The following KANSL2 variants were observed in gnomAD, a reference collection of about 807,000 sequenced individuals.
KANSL2 encodes NSL complex protein NSL2.
KANSL2 carries 34 observed loss-of-function variants against 55.6 expected under a neutral mutation model. The observed-to-expected ratio is 0.61, with a 90% CI of 0.46 to 0.81. The LOEUF (loss-of-function observed/expected upper bound fraction) is 0.81. Ranked by LOEUF, KANSL2 falls within the 40% of genes least tolerant of loss-of-function variation. The probability of loss-of-function intolerance (pLI) is 0.00; values close to 1 mark genes in which losing one functional copy is unlikely to be tolerated. For synonymous variants in KANSL2, 209 were observed against 214.3 expected (o/e 0.98, Z 0.22); for missense variants, 502 against 609.9 (o/e 0.82, Z 1.86).
At chr12:48,661,113 A>C in intron 7 of KANSL2, 1 of 357,714 alleles carries the variant, frequency 2.8e-6, no homozygotes, top group Non-Finnish European at 3.9e-6. Context: ...ATTCATTTAA[A>C]GCACCACTGG....
At chr12:48,673,756 T>A (rs1459792056) in intron 4 of KANSL2, among the ~76,000 whole-genome samples, 2 of 151,918 alleles carry the variant, frequency 1.3e-5, no homozygotes, top group Non-Finnish European at 2.9e-5. Context: ...AAGACCAGCC[T>A]GGGCTGTAAC....
intron 2 of KANSL2, among the ~76,000 whole-genome samples, chr12:48,680,602 G>A (rs543840349): frequency 5.9e-5 from 9 of 152,248 alleles, no homozygotes; most frequent in African/African-American, 2.2e-4. Flanking sequence ...TCTTACAGAA[G>A]AATACACACA....
rs551501852 is a variant in KANSL2, at chr12:48,672,374, T to C, written c.546-412A>G. 5.5e-3 allele frequency among the ~76,000 whole-genome samples: 807 copies of C among 145,814 alleles called. 7 individuals are homozygous for C. The highest frequency in any genetic ancestry group is 0.019 in the African/African-American group (739 of 39,694). On this transcript the variant is annotated intron_variant, in intron 4 of 9. Coordinates refer to ENST00000420613, the MANE Select transcript of KANSL2 (RefSeq NM_017822.4). ...ACATATACATATATACATGTATATA[T>C]ACGTATATATATATACATGTATATA...
rs1369503771 is a variant in KANSL2, at chr12:48,669,185, T to C, written c.797A>G (p.Gln266Arg). 2 of 1,554,766 alleles carry C rather than the reference T, an allele frequency of 1.3e-6. No individual in the cohort carries two copies. The highest frequency in any genetic ancestry group is 1.7e-6 in the Non-Finnish European group (2 of 1,148,364). Residue 266 changes from glutamine (Q) to arginine (R), a missense_variant, in exon 6 of 10, where the codon CAG (glutamine) becomes CGG (arginine). Physicochemically the swap from Gln to Arg is conservative, Grantham distance 43 (BLOSUM62 1). Transcript: ENST00000420613. ...CAGTAAGGCTTCCACTCCATAGCGC[T>C]GGCGGTATCGTCGCAGACATTTTAA... ...KRLKCLRRYR[Q>R]RYGVEALLHR...
chr12:48,658,761 A>G (rs1939436694), intron 8 of KANSL2: 1 of 152,194 alleles, frequency 6.6e-6, no homozygotes, highest in South Asian at 2.1e-4. Context: ...CGTCTCAAAA[A>G]ATAAATAAAG....
intron 4 of KANSL2, among the ~76,000 whole-genome samples, chr12:48,677,380 G>A (rs569623050): frequency 1.3e-5 from 2 of 152,192 alleles, no homozygotes; most frequent in East Asian, 1.9e-4. Context: ...CAAGTTTCTC[G>A]ACCTTAAGCT....
Position 48,671,899 on chromosome 12 carries a change from C to A in KANSL2, c.609G>T (p.Leu203Phe). Reference sequence around the variant, plus strand: ...TAAACTGATCAATATACAACGACTGCAAACGAATTAGCTTTTCACGCATAA... The same window carrying A: ...TAAACTGATCAATATACAACGACTGAAAACGAATTAGCTTTTCACGCATAA... Reference protein sequence around the residue: ...ALIMREKLIRLQSLYIDQFKR... With the variant: ...ALIMREKLIRFQSLYIDQFKR... Residue 203 changes from leucine to phenylalanine, a missense_variant, in exon 5 of 10, where the codon TTG becomes TTT. By Grantham distance (22) the Leu-to-Phe change is conservative. Transcript: ENST00000420613. The A allele has an allele frequency of 6.2e-7, 1 of 1,611,900 alleles. No individual in the cohort carries two copies. The highest frequency in any genetic ancestry group is 8.5e-7 in the Non-Finnish European group (1 of 1,178,394).
chr12:48,669,852 C>A (rs1486667765), intron 5 of KANSL2, among the ~76,000 whole-genome samples: 1 of 151,982 alleles, frequency 6.6e-6, no homozygotes, highest in African/African-American at 2.4e-5. Flanking sequence ...ATAGTTCAAC[C>A]CACACATTTG....
chr12:48,666,750 A>G (rs898695866), intron 7 of KANSL2, among the ~76,000 whole-genome samples: 86 of 152,102 alleles, frequency 5.7e-4, no homozygotes, highest in African/African-American at 2.0e-3. Context: ...GGTGGCACAC[A>G]TACATAGTCC....
intron 4 of KANSL2, among the ~76,000 whole-genome samples, chr12:48,675,917 G>T (rs1939812774): frequency 6.6e-6 from 1 of 152,074 alleles, no homozygotes; most frequent in South Asian, 2.1e-4. Context: ...CTCTTATAAA[G>T]GGCATTCTCC....
chr12:48,681,676 C>A, intron 1 of KANSL2, 35 bp from the exon 2 acceptor site: 2 of 1,613,434 alleles, frequency 1.2e-6, no homozygotes, highest in Non-Finnish European at 1.7e-6. Flanking sequence ...AAAGCCCTTA[C>A]CCTTCCCGAA....
intron 1 of KANSL2, 155 bp from the exon 2 acceptor site, chr12:48,681,796 C>G: frequency 1.1e-6 from 1 of 906,202 alleles, no homozygotes; most frequent in Non-Finnish European, 1.8e-6. Flanking sequence ...TCTCCACAGG[C>G]ATCTGTGGCT....
chr12:48,678,870 T>C (rs183237163), intron 4 of KANSL2, among the ~76,000 whole-genome samples, 166 bp downstream of exon 4: 70 of 152,342 alleles, frequency 4.6e-4, no homozygotes, highest in African/African-American at 1.6e-3. Flanking sequence ...CATCCTGCCT[T>C]GAAGCAAGAC....
intron 8 of KANSL2, among the ~76,000 whole-genome samples, chr12:48,657,946 T>G (rs1939419209): frequency 6.6e-6 from 1 of 152,072 alleles, no homozygotes; most frequent in Non-Finnish European, 1.5e-5. Context: ...AACAATTAGC[T>G]TGGAATGGGC....
chr12:48,665,164 AGACAT>A (rs949466718), intron 7 of KANSL2, among the ~76,000 whole-genome samples: 1 of 152,128 alleles, frequency 6.6e-6, no homozygotes, highest in African/African-American at 2.4e-5. Context: ...ATCTCTTATC[AGACAT>A]CTGTTGTAAT....
chr12:48,680,333 A>G (rs1320290025), intron 2 of KANSL2, among the ~76,000 whole-genome samples: 2 of 152,088 alleles, frequency 1.3e-5, no homozygotes, highest in Non-Finnish European at 2.9e-5. Context: ...TGGGGACTAC[A>G]TGTCCACGCC....
intron 8 of KANSL2, among the ~76,000 whole-genome samples, chr12:48,659,022 G>C (rs959373483): frequency 2.6e-5 from 4 of 152,122 alleles, no homozygotes; most frequent in Non-Finnish European, 5.9e-5. Context: ...CGCCAGGAAT[G>C]GTGAATCATG....
Position 48,682,230 on chromosome 12 carries a change from T to C in KANSL2, c.-53A>G, listed in dbSNP as rs1461337134. 3 of 631,722 alleles carry C rather than the reference T, an allele frequency of 4.7e-6. No individual in the cohort carries two copies. The African/African-American group carries it at 5.5e-5, about 12-fold the overall frequency. 39.1% of individuals were successfully genotyped at this position (631,722 alleles called of 1,614,324 possible). On this transcript the variant is annotated 5_prime_UTR_variant, in exon 1 of 10. Transcript: ENST00000420613. ...CCGCACTCTGCCGCGCCGCTCGCCC[T>C]TCTCTAGTGGCGCCAGCGGCTCTCA...
At chr12:48,675,974 C>G (rs547955538) in intron 4 of KANSL2, among the ~76,000 whole-genome samples, 49 of 152,062 alleles carry the variant, frequency 3.2e-4, no homozygotes, top group African/African-American at 1.1e-3. Context: ...TGTGAAATAA[C>G]CTTCAGCCAA....
Sources: allele counts gnomAD v4.1 joint callset (sites outside exome capture counted in the v4.1 genomes callset), GRCh38; gene constraint gnomAD v4.1.1; transcripts MANE v1.5; gene names NCBI Gene and HGNC (gene_info 2026-07-23, HGNC 2026-07-21).